The following NR3C2 variants were observed in gnomAD, a reference collection of about 807,000 sequenced individuals.
NR3C2 encodes the protein mineralocorticoid receptor.
A neutral mutation model predicts 86.4 loss-of-function variants in NR3C2; 15 were observed. The ratio of observed to expected loss-of-function variants is 0.17; its 90% CI spans 0.12 to 0.27. NR3C2 has a LOEUF of 0.27. Ranked by LOEUF, NR3C2 falls within the 10% of genes least tolerant of loss-of-function variation. NR3C2 has a pLI of 1.00. For missense variants in NR3C2, 960 were observed against 1,195.6 expected, an observed-to-expected ratio of 0.80 and a Z score of 2.91; for synonymous variants, 458 against 450.5, an observed-to-expected ratio of 1.02 and a Z score of -0.21.
chr4:148,273,071 C>G (rs1270933735), intron 2 of NR3C2, among the ~76,000 whole-genome samples: 1 of 152,136 alleles, frequency 6.6e-6, no homozygotes, highest in African/African-American at 2.4e-5. Context: ...TACCACCTGA[C>G]CACCCACCAC....
At chr4:148,297,885 G>A (rs1175419608) in intron 2 of NR3C2, among the ~76,000 whole-genome samples, 4 of 145,940 alleles carry the variant, frequency 2.7e-5, no homozygotes, top group African/African-American at 7.6e-5. Context: ...GTGAAACTCC[G>A]TCTCAAAAAA....
At chr4:148,103,500 A>G (rs760579080) in intron 8 of NR3C2, among the ~76,000 whole-genome samples, 4 of 152,218 alleles carry the variant, frequency 2.6e-5, no homozygotes, top group Non-Finnish European at 5.9e-5. Context: ...ACGTACCCGT[A>G]GAGGCTGTTT....
chr4:148,158,293 C>T (rs968023316), intron 4 of NR3C2, among the ~76,000 whole-genome samples: 4 of 152,138 alleles, frequency 2.6e-5, no homozygotes, highest in Admixed American at 6.6e-5. Flanking sequence ...CTAAAAACCT[C>T]GTCAACTGAC....
intron 2 of NR3C2, among the ~76,000 whole-genome samples, chr4:148,424,946 G>A (rs1749456588): frequency 6.6e-6 from 1 of 152,164 alleles, no homozygotes; most frequent in Non-Finnish European, 1.5e-5. Flanking sequence ...GACTAAGAGT[G>A]TAAGTCATCA....
chr4:148,089,449 A>G (rs1245933006), intron 8 of NR3C2, among the ~76,000 whole-genome samples: 2 of 152,216 alleles, frequency 1.3e-5, no homozygotes, highest in African/African-American at 4.8e-5. Context: ...AAGTGCTTCA[A>G]ATTCCACCCG....
intron 4 of NR3C2, among the ~76,000 whole-genome samples, chr4:148,179,682 C>G (rs560013472): frequency 2.7e-4 from 41 of 151,554 alleles, no homozygotes; most frequent in African/African-American, 9.6e-4. Flanking sequence ...ATATATTGAG[C>G]GCAAATTATA....
At chr4:148,337,304 A>T (rs1251114127) in intron 2 of NR3C2, among the ~76,000 whole-genome samples, 3 of 152,218 alleles carry the variant, frequency 2.0e-5, no homozygotes, top group Non-Finnish European at 4.4e-5. Context: ...AGGATATCTT[A>T]CTTTTAAAAA....
At chr4:148,115,334 G>C (rs778227765) in intron 7 of NR3C2, among the ~76,000 whole-genome samples, 3 of 152,198 alleles carry the variant, frequency 2.0e-5, no homozygotes, top group Admixed American at 6.5e-5. Context: ...GTTTAGGACA[G>C]AGTTTAAGCA....
intron 2 of NR3C2, among the ~76,000 whole-genome samples, chr4:148,407,910 T>G (rs566885150): frequency 1.3e-5 from 2 of 152,262 alleles, no homozygotes; most frequent in East Asian, 3.9e-4. Flanking sequence ...CAAGTTAACG[T>G]AAAGAAAGTC....
At chr4:148,188,358 T>C (rs750291223) in intron 4 of NR3C2, among the ~76,000 whole-genome samples, 2 of 152,212 alleles carry the variant, frequency 1.3e-5, no homozygotes, top group African/African-American at 4.8e-5. Flanking sequence ...GCATGGGATG[T>C]GTTTCCATTT....
intron 3 of NR3C2, among the ~76,000 whole-genome samples, chr4:148,202,309 A>T (rs1001711745): frequency 6.6e-6 from 1 of 152,180 alleles, no homozygotes; most frequent in Non-Finnish European, 1.5e-5. Flanking sequence ...AAGATGCTAC[A>T]TCACAGGCCT....
chr4:148,107,593 A>T (rs1731860629), intron 8 of NR3C2, among the ~76,000 whole-genome samples: 1 of 152,210 alleles, frequency 6.6e-6, no homozygotes, highest in Non-Finnish European at 1.5e-5. Context: ...CTTGGAACCA[A>T]CCCAAATGCC....
chr4:148,249,657 G>A (rs1739482912), intron 3 of NR3C2, among the ~76,000 whole-genome samples: 1 of 152,192 alleles, frequency 6.6e-6, no homozygotes, highest in South Asian at 2.1e-4. Flanking sequence ...GAGTTTAAAT[G>A]TCTTATACCT....
chr4:148,158,073 T>C (rs1196505439), intron 4 of NR3C2, among the ~76,000 whole-genome samples: 1 of 152,236 alleles, frequency 6.6e-6, no homozygotes, highest in Non-Finnish European at 1.5e-5. Flanking sequence ...CACAGAAATC[T>C]GATTTTTAGA....
chr4:148,241,592 C>T (rs1560996180), intron 3 of NR3C2, among the ~76,000 whole-genome samples: 1 of 152,128 alleles, frequency 6.6e-6, no homozygotes, highest in African/African-American at 2.4e-5. Context: ...CCTCTCCAGA[C>T]CACACTGACT....
chr4:148,332,094 C>T (rs571328851), intron 2 of NR3C2, among the ~76,000 whole-genome samples: 6 of 152,126 alleles, frequency 3.9e-5, no homozygotes, highest in Admixed American at 6.6e-5. Context: ...TACAAAATAT[C>T]TTTATAAAAC....
chr4:148,306,548 T>C (rs1367798152), intron 2 of NR3C2, among the ~76,000 whole-genome samples: 1 of 152,236 alleles, frequency 6.6e-6, no homozygotes, highest in East Asian at 1.9e-4. Context: ...AACACAACAA[T>C]TCTGGAGTAT....
At chr4:148,130,809 G>GTTTTTTTTTTTTTT (rs1326806513) in intron 6 of NR3C2, among the ~76,000 whole-genome samples, 1 of 52,188 alleles carries the variant, frequency 1.9e-5, no homozygotes, top group African/African-American at 4.9e-5. Context: ...GTTTTGTTTT[G>GTTTTTTTTTTTTTT]TTTTGTTTTG....
rs1033828914 is a variant in NR3C2, at chr4:148,435,268, A to G, written c.1593T>C (p.Gly531=). 2 of 1,614,168 alleles carry G rather than the reference A, an allele frequency of 1.2e-6. No homozygotes were observed. Among genetic ancestry groups the G allele is most frequent in the African/African-American group, 1.3e-5 (1 of 75,034 alleles). Residue 531 remains glycine, a synonymous_variant, in exon 2 of 9, where the codon GGT becomes GGC. Coordinates refer to ENST00000358102, the MANE Select transcript of NR3C2 (RefSeq NM_000901.5). The stretch of plus-strand genomic sequence containing the variant: ...TAGCCGATCGTGATAAAGATATTGT[A>G]CCTTGAGCACCAATCCTGTAGTGGA... ...QSFHYRIGAQ[G]TISLSRSARD...
Sources: allele counts gnomAD v4.1 joint callset (sites outside exome capture counted in the v4.1 genomes callset), GRCh38; gene constraint gnomAD v4.1.1; transcripts MANE v1.5; gene names NCBI Gene and HGNC (gene_info 2026-07-23, HGNC 2026-07-21).